Variants in PRKCE observed in about 807,000 individuals in gnomAD.
PRKCE encodes protein kinase C epsilon type.
Under a neutral mutation model 85.4 loss-of-function variants are expected in PRKCE, and 16 were observed. The observed-to-expected ratio is 0.19, with a 90% CI of 0.13 to 0.28. The LOEUF (loss-of-function observed/expected upper bound fraction) is 0.28, where lower values mean the gene tolerates loss of function less well. PRKCE is among the 10% of genes least tolerant of loss of function. The pLI is 1.00. For missense variants in PRKCE, 573 were observed against 975.2 expected, an observed-to-expected ratio of 0.59 and a Z score of 5.49; for synonymous variants, 388 against 371.5, an observed-to-expected ratio of 1.04 and a Z score of -0.51.
Position 45,697,882 on chromosome 2 carries a change from GT to G in PRKCE, c.348+45443del, listed in dbSNP as rs531568458. ...TCCCCAGATTCTTTAATTGGATGTA[GT>G]TTTTTTTTACATTGGAAGAAATTGA... is the stretch of plus-strand genomic sequence containing the variant. On this transcript the variant is annotated intron_variant, in intron 1 of 14. Transcript: ENST00000306156. The surrounding 1 kb of genome is among the most constrained non-coding windows in gnomAD (Gnocchi z 4.2). 4.8e-3 allele frequency: 728 copies of G among 152,214 alleles called. 4 individuals carry two copies. Among genetic ancestry groups the G allele is most frequent in the Non-Finnish European group, 8.1e-3 (548 of 67,908 alleles). 9.4% of individuals were successfully genotyped at this position (152,214 alleles called of 1,614,324 possible).
At chr2:46,025,902 C>T (rs532302479) in intron 10 of PRKCE, among the ~76,000 whole-genome samples, 32 of 152,254 alleles carry the variant, frequency 2.1e-4, no homozygotes, top group Admixed American at 7.8e-4. Context: ...CAAACTGACC[C>T]ATCACTATGG....
At chr2:45,671,359 A>G (rs1676150076) in intron 1 of PRKCE, among the ~76,000 whole-genome samples, 1 of 152,146 alleles carries the variant, frequency 6.6e-6, no homozygotes, top group African/African-American at 2.4e-5. Flanking sequence ...TTTTAGGACA[A>G]AGGTTTTTTA....
At chr2:45,956,170 A>T (rs1700961468) in intron 2 of PRKCE, among the ~76,000 whole-genome samples, 1 of 152,182 alleles carries the variant, frequency 6.6e-6, no homozygotes, top group African/African-American at 2.4e-5. Context: ...TGCAGAATAG[A>T]ACTCCGCACT....
intron 1 of PRKCE, among the ~76,000 whole-genome samples, chr2:45,732,574 T>C (rs1419076293): frequency 6.6e-6 from 1 of 152,182 alleles, no homozygotes; most frequent in Non-Finnish European, 1.5e-5. Flanking sequence ...GCAGTAGTAG[T>C]AGTGGTAACA....
At chr2:45,973,533 T>A (rs2595209) in intron 2 of PRKCE, among the ~76,000 whole-genome samples, 123,040 of 152,160 alleles carry the variant, frequency 0.81, 50,308 homozygotes, top group East Asian at 0.97. Context: ...AATAGAAACC[T>A]TGGAGGAAGT....
At position 46,004,683 on chromosome 2, in the gene PRKCE, G is replaced by A; in HGVS notation, c.1063+45G>A. On this transcript the variant is annotated intron_variant, in intron 8 of 14. Transcript: ENST00000306156. The surrounding 1 kb of genome is among the most constrained non-coding windows in gnomAD (Gnocchi z 4.1). ...TTCCTGACCTCTGAGTTCTGCCATT[G>A]GATGGACCAAGGAGCTCTGAGGCCT... 6.7e-7 allele frequency: 1 copy of A among 1,483,528 alleles called. No homozygotes were observed. The highest frequency in any genetic ancestry group is 9.1e-7 in the Non-Finnish European group (1 of 1,096,026). The allele number at this position is 1,483,528 out of a possible 1,614,324, so 91.9% of individuals were successfully genotyped here. A position where few individuals can be genotyped will look rare whatever the true frequency, so the allele number is the denominator to read the frequency against.
intron 1 of PRKCE, chr2:45,677,094 T>G (rs1203553464): frequency 1.3e-5 from 2 of 151,622 alleles, no homozygotes; most frequent in Admixed American, 6.6e-5. Flanking sequence ...GGAGACAGTT[T>G]AATGTGACTA....
rs527743328 is a variant in PRKCE, at chr2:46,182,329, G to A, written c.2068-2406G>A. 3.0e-3 allele frequency among the ~76,000 whole-genome samples: 464 copies of A among 152,254 alleles called. 3 individuals carry two copies. The highest frequency in any genetic ancestry group is 5.5e-3 in the Non-Finnish European group (372 of 68,010). ...CTTTGCCCAGGCGCCACCCTCCCGC[G>A]TCAGTGTGCGTCACCGTGGGGATGG... On this transcript the variant is annotated intron_variant, in intron 14 of 14. Transcript: ENST00000306156.
chr2:45,843,492 C>A (rs1691529029), intron 2 of PRKCE, among the ~76,000 whole-genome samples: 1 of 152,206 alleles, frequency 6.6e-6, no homozygotes, highest in East Asian at 1.9e-4. Context: ...AGTGGGACTT[C>A]TTTTACCAGT....
chr2:45,890,792 C>G (rs1228325202), intron 2 of PRKCE, among the ~76,000 whole-genome samples: 1 of 152,160 alleles, frequency 6.6e-6, no homozygotes, highest in East Asian at 1.9e-4. Flanking sequence ...TATGGAGTGC[C>G]TACCCTGCAC....
At chr2:45,699,648 A>G (rs1678453392) in intron 1 of PRKCE, among the ~76,000 whole-genome samples, 1 of 152,206 alleles carries the variant, frequency 6.6e-6, no homozygotes, top group Admixed American at 6.5e-5. Context: ...AACTGTTTAA[A>G]GCTGACTCCC....
In PRKCE at chr2:45,652,494, T is replaced by G; in HGVS notation, c.348+46T>G. 6.6e-7 allele frequency: 1 copy of G among 1,511,676 alleles called. No homozygotes were observed. Among genetic ancestry groups the G allele is most frequent in the Non-Finnish European group, 8.9e-7 (1 of 1,120,660 alleles). 93.6% of individuals were successfully genotyped at this position (1,511,676 alleles called of 1,614,324 possible). A position where few individuals can be genotyped will look rare whatever the true frequency, so the allele number is the denominator to read the frequency against. ...TCATTCCGGGAACCCGGTTGTGGGG[T>G]CCCGGGGAAAGACTCGCTGGTCTTG... On this transcript the variant is annotated intron_variant, in intron 1 of 14. Coordinates refer to ENST00000306156, the MANE Select transcript of PRKCE (RefSeq NM_005400.3). This position sits in a 1 kb window ranked among gnomAD's most constrained non-coding sequence, Gnocchi z 7.7.
chr2:46,157,431 G>A (rs1677324210), intron 13 of PRKCE, among the ~76,000 whole-genome samples: 1 of 152,200 alleles, frequency 6.6e-6, no homozygotes, highest in Admixed American at 6.5e-5. Flanking sequence ...GTAATGTCTG[G>A]AGATATTTTT....
chr2:45,929,107 C>T (rs1475063184), intron 2 of PRKCE, among the ~76,000 whole-genome samples: 1 of 152,166 alleles, frequency 6.6e-6, no homozygotes, highest in East Asian at 1.9e-4. Flanking sequence ...CTCTTCCCAT[C>T]CACCCCTCCT....
chr2:46,100,248 T>C lies in PRKCE; in HGVS notation c.1592+13886T>C, dbSNP rs1353186041. ...TTCAGAGATCCAGGCCCACAATTCC[T>C]GTCATTCCTCGGAAGGTGAGACTTC... On this transcript the variant is annotated intron_variant, in intron 11 of 14. Transcript: ENST00000306156. Among the ~76,000 whole-genome samples, 4 of 152,214 alleles carry C rather than the reference T, an allele frequency of 2.6e-5. No individual in the cohort carries two copies. The East Asian group carries it at 5.8e-4, about 22-fold the overall frequency.
At chr2:45,787,704 G>A (rs541409112) in intron 1 of PRKCE, among the ~76,000 whole-genome samples, 24 of 152,270 alleles carry the variant, frequency 1.6e-4, no homozygotes, top group African/African-American at 4.6e-4. Context: ...AAGGCTTACC[G>A]TATCAACAGA....
intron 1 of PRKCE, among the ~76,000 whole-genome samples, chr2:45,689,722 C>A (rs1464633661): frequency 1.3e-5 from 2 of 151,688 alleles, no homozygotes; most frequent in Non-Finnish European, 2.9e-5. Flanking sequence ...ATGGTAAAAC[C>A]CTGTCTCTAC....
At chr2:46,017,809 C>T (rs940904862) in intron 10 of PRKCE, among the ~76,000 whole-genome samples, 1 of 152,162 alleles carries the variant, frequency 6.6e-6, no homozygotes, top group South Asian at 2.1e-4. Flanking sequence ...TTTGTGGTCA[C>T]TCATTTTTAC....
chr2:45,723,156 G>A (rs1025071986), intron 1 of PRKCE, among the ~76,000 whole-genome samples: 2 of 152,164 alleles, frequency 1.3e-5, no homozygotes, highest in Non-Finnish European at 2.9e-5. Context: ...TTTGCTAACT[G>A]TGGAAAATAG....
Sources: gnomAD v4.1 joint callset for allele counts (sites outside exome capture counted in the v4.1 genomes callset) on GRCh38, gnomAD v4.1.1 for gene constraint, Gnocchi (gnomAD v3.1) non-coding constraint, MANE v1.5 for transcripts, NCBI Gene and HGNC (gene_info 2026-07-23, HGNC 2026-07-21) for gene names.